MOV10L1: variants seen among roughly 807,000 people sequenced by gnomAD.
MOV10L1 encodes the protein RNA helicase Mov10l1.
A neutral mutation model predicts 143.8 loss-of-function variants in MOV10L1; 110 were observed. That is an observed-to-expected ratio of 0.76 (90% CI 0.66 to 0.90). The LOEUF (loss-of-function observed/expected upper bound fraction) is 0.90. Ranked by LOEUF, MOV10L1 falls within the 40% of genes least tolerant of loss-of-function variation. The pLI is 0.00. For synonymous variants in MOV10L1, 593 were observed against 581.1 expected (o/e 1.02, Z -0.29); for missense variants, 1,406 against 1,526.8 (o/e 0.92, Z 1.32).
intron 3 of MOV10L1, among the ~76,000 whole-genome samples, chr22:50,101,541 C>CA (rs1302413655): frequency 6.7e-6 from 1 of 149,352 alleles, no homozygotes; most frequent in Non-Finnish European, 1.5e-5. Context: ...TTGTTTGAGA[C>CA]AGAGTTTCGC....
At chr22:50,132,423 A>G (rs138251) in intron 13 of MOV10L1, among the ~76,000 whole-genome samples, 102,923 of 151,956 alleles carry the variant, frequency 0.68, 35,745 homozygotes, top group Admixed American at 0.78. Context: ...TAATAATAAT[A>G]AGTCCTCCAG....
chr22:50,100,006 T>A (rs544056787), intron 3 of MOV10L1, among the ~76,000 whole-genome samples: 1 of 148,434 alleles, frequency 6.7e-6, no homozygotes, highest in Non-Finnish European at 1.5e-5. Flanking sequence ...TGTTTTTGTT[T>A]TTCGAGATGG....
rs552894006 is a variant in MOV10L1, at chr22:50,115,484, C to T, written c.1259+238C>T. Among the ~76,000 whole-genome samples, 7 of 152,206 alleles carry T rather than the reference C, an allele frequency of 4.6e-5. No homozygotes were observed. In the East Asian group the frequency reaches 5.8e-4, roughly 13 times the overall value. ...AGTAGAATCGCTTAAATCCAGGTGA[C>T]GGAGGGTGCAGTGAGCCAAGATCGC... On this transcript the variant is annotated intron_variant, in intron 8 of 26. Coordinates refer to ENST00000262794, the MANE Select transcript of MOV10L1 (RefSeq NM_018995.3).
intron 3 of MOV10L1, among the ~76,000 whole-genome samples, chr22:50,106,795 G>A (rs138214): frequency 0.015 from 2,248 of 147,346 alleles, 26 homozygotes; most frequent in Non-Finnish European, 0.023. Context: ...TCTGCCTCCC[G>A]GGTTCATGCC....
At chr22:50,094,607 G>A (rs969619934) in intron 2 of MOV10L1, 14 of 152,050 alleles carry the variant, frequency 9.2e-5, no homozygotes, top group Non-Finnish European at 1.9e-4. Flanking sequence ...CACTGTGTTA[G>A]CCAGGATGGT....
intron 15 of MOV10L1, among the ~76,000 whole-genome samples, chr22:50,137,463 G>T (rs1371869476): frequency 6.6e-6 from 1 of 152,016 alleles, no homozygotes; most frequent in Non-Finnish European, 1.5e-5. Context: ...ATCTAACATG[G>T]AACAGAGGCG....
Position 50,134,626 on chromosome 22 carries a change from A to G in MOV10L1, c.2066A>G (p.Lys689Arg). The change falls in exon 15 of 27, where the codon AAA becomes AGA. Residue 689 changes from lysine to arginine, a missense_variant. Physicochemically the swap from Lys to Arg is conservative, Grantham distance 26. Transcript: ENST00000262794. Reference sequence around the variant, plus strand: ...AAAAGCAGTGGACAGTCCACCAGCAAAAAGGTAGTGCTCAGCAATGTGGCT... The same window carrying G: ...AAAAGCAGTGGACAGTCCACCAGCAGAAAGGTAGTGCTCAGCAATGTGGCT... ...DTKSSGQSTS[K>R]KNRKTMTDQA... The G allele has an allele frequency of 6.2e-7, 1 of 1,614,072 alleles. No homozygotes were observed. Among genetic ancestry groups the G allele is most frequent in the East Asian group, 2.2e-5 (1 of 44,886 alleles).
intron 3 of MOV10L1, among the ~76,000 whole-genome samples, chr22:50,103,925 A>G (rs1397801130): frequency 6.6e-6 from 1 of 152,146 alleles, no homozygotes; most frequent in Non-Finnish European, 1.5e-5. Flanking sequence ...TGTGCACTTT[A>G]TTTCTATTAT....
intron 2 of MOV10L1, among the ~76,000 whole-genome samples, chr22:50,097,336 T>C (rs1454140479): frequency 6.6e-6 from 1 of 152,184 alleles, no homozygotes; most frequent in African/African-American, 2.4e-5. Flanking sequence ...CTCGAACTCC[T>C]GGGCTCAAGT....
chr22:50,158,070 G>C lies in MOV10L1; in HGVS notation c.3080G>C (p.Arg1027Pro). The C allele has an allele frequency of 1.2e-6, 2 of 1,613,764 alleles. No homozygotes were observed. Among genetic ancestry groups the C allele is most frequent in the Non-Finnish European group, 8.5e-7 (1 of 1,179,770 alleles). ...IFHGVRGSEA[R>P]EGKSPSWFNP... Reference sequence around the variant, plus strand: ...TCATCAACCCAGGGCAGCGAGGCACGGGAGGGAAAAAGCCCATCGTGGTTC... The same window carrying C: ...TCATCAACCCAGGGCAGCGAGGCACCGGAGGGAAAAAGCCCATCGTGGTTC... The change falls in exon 23 of 27, where the codon CGG becomes CCG. Residue 1027 changes from arginine to proline, a missense_variant. Transcript: ENST00000262794. This position sits in a 1 kb window ranked among gnomAD's most constrained non-coding sequence, Gnocchi z 5.0.
intron 4 of MOV10L1, 41 bp from the exon 5 acceptor site, chr22:50,108,616 G>A (rs761176130): frequency 3.7e-6 from 6 of 1,607,420 alleles, no homozygotes; most frequent in Non-Finnish European, 5.1e-6. Context: ...CTGTCGTCAT[G>A]CAGCATCTGC....
In MOV10L1 at chr22:50,090,031, G is replaced by C. The variant is rs1416078301; in HGVS notation, c.-58G>C. 1.7e-6 allele frequency: 2 copies of C among 1,163,302 alleles called. No individual in the cohort carries two copies. The highest frequency in any genetic ancestry group is 1.6e-5 in the African/African-American group (1 of 61,122). 72.1% of individuals were successfully genotyped at this position (1,163,302 alleles called of 1,614,324 possible). ...ATTGGTGGCGGGCGGCGGGAGCGGC[G>C]CGGGCGCGTGCGGGCGGCGGCAGCG... On this transcript the variant is annotated 5_prime_UTR_variant, in exon 1 of 27. Transcript: ENST00000262794.
At chr22:50,120,030 T>C (rs2062294737) in intron 9 of MOV10L1, among the ~76,000 whole-genome samples, 1 of 152,036 alleles carries the variant, frequency 6.6e-6, no homozygotes, top group Non-Finnish European at 1.5e-5. Flanking sequence ...ACAAACTGAA[T>C]TTCCCCAGAG....
At chr22:50,127,678 A>G (rs1370945681) in intron 12 of MOV10L1, among the ~76,000 whole-genome samples, 2 of 151,892 alleles carry the variant, frequency 1.3e-5, no homozygotes, top group African/African-American at 4.8e-5. Context: ...TTCTACCCAT[A>G]CTGTCTAGGA....
intron 15 of MOV10L1, among the ~76,000 whole-genome samples, chr22:50,137,801 T>TTATATATATACATATATAAATATACA (rs1569025318): frequency 6.0e-4 from 36 of 60,164 alleles, no homozygotes; most frequent in African/African-American, 1.3e-3. Flanking sequence ...TATACATATT[T>TTATATATATACATATATAAATATACA]TATATATATA....
intron 2 of MOV10L1, among the ~76,000 whole-genome samples, chr22:50,098,161 G>A (rs1264490276): frequency 6.8e-6 from 1 of 146,370 alleles, no homozygotes; most frequent in Non-Finnish European, 1.5e-5. Context: ...AGATCACTTT[G>A]GGTAGTATTG....
At chr22:50,136,568 C>T (rs2062828350) in intron 15 of MOV10L1, among the ~76,000 whole-genome samples, 1 of 152,180 alleles carries the variant, frequency 6.6e-6, no homozygotes, top group African/African-American at 2.4e-5. Flanking sequence ...CATGGTTTTC[C>T]CAACTCACAG....
intron 6 of MOV10L1, 30 bp from the exon 7 acceptor site, chr22:50,114,351 C>T: frequency 6.2e-7 from 1 of 1,604,628 alleles, no homozygotes; most frequent in Non-Finnish European, 8.5e-7. Context: ...GAAATCCTGG[C>T]TGTGTTCATA....
chr22:50,156,777 T>C (rs1350078500), intron 22 of MOV10L1, among the ~76,000 whole-genome samples: 1 of 152,244 alleles, frequency 6.6e-6, no homozygotes, highest in Non-Finnish European at 1.5e-5. Flanking sequence ...CATCTATCAG[T>C]GGACACTTGG....
Sources: allele counts gnomAD v4.1 joint callset (sites outside exome capture counted in the v4.1 genomes callset), GRCh38; gene constraint gnomAD v4.1.1; non-coding constraint Gnocchi (gnomAD v3.1); transcripts MANE v1.5; gene names NCBI Gene and HGNC (gene_info 2026-07-23, HGNC 2026-07-21).